Variants in NPRL3 observed in about 807,000 individuals in gnomAD.
NPRL3 encodes the protein NPR3 like, GATOR1 complex subunit.
In NPRL3, 23 loss-of-function variants were observed where a neutral mutation model predicts 57.2. That is an observed-to-expected ratio of 0.40 (90% CI 0.29 to 0.57). NPRL3 has a LOEUF of 0.57. Ranked by LOEUF, NPRL3 falls within the 20% of genes least tolerant of loss-of-function variation. NPRL3 has a pLI of 0.42. For synonymous variants in NPRL3, 333 were observed against 321.1 expected (o/e 1.04, Z -0.39); for missense variants, 691 against 767.1 (o/e 0.90, Z 1.17).
At chr16:113,680 G>A (rs762391890) in intron 5 of NPRL3, among the ~76,000 whole-genome samples, 14 of 152,202 alleles carry the variant, frequency 9.2e-5, no homozygotes, top group Non-Finnish European at 1.6e-4. Context: ...GGGTGGAGGT[G>A]GGACAAGGGA....
intron 5 of NPRL3, among the ~76,000 whole-genome samples, chr16:114,422 C>A (rs1184728439): frequency 6.6e-6 from 1 of 152,206 alleles, no homozygotes; most frequent in African/African-American, 2.4e-5. Flanking sequence ...TTTAAGGCAT[C>A]ACGCATGAGA....
At chr16:115,003 T>G in intron 5 of NPRL3, among the ~76,000 whole-genome samples, 1 of 150,724 alleles carries the variant, frequency 6.6e-6, no homozygotes. Context: ...TAAGATAGGG[T>G]CTCACTCTCT....
Position 86,629 on chromosome 16 carries a change from A to C in NPRL3, c.*76T>G, listed in dbSNP as rs765342694. On this transcript the variant is annotated 3_prime_UTR_variant, in exon 14 of 14. Transcript: ENST00000611875. ...AGGGCCAAGAGGGCTCAGCCTCAGC[A>C]CGGGGGGAGCCCTGGGGTGGGGAGA... 1.1e-5 allele frequency: 16 copies of C among 1,427,552 alleles called. No individual in the cohort carries two copies. The highest frequency in any genetic ancestry group is 1.1e-5 in the Non-Finnish European group (12 of 1,062,942). The allele number at this position is 1,427,552 out of a possible 1,614,324, so 88.4% of individuals were successfully genotyped here.
chr16:120,595 C>A (rs962831363), intron 3 of NPRL3, among the ~76,000 whole-genome samples: 1 of 152,228 alleles, frequency 6.6e-6, no homozygotes, highest in Non-Finnish European at 1.5e-5. Flanking sequence ...CCTAGGCTCA[C>A]AAACAAACCA....
At position 98,242 on chromosome 16, in the gene NPRL3, A is replaced by C; in HGVS notation, c.827T>G (p.Ile276Ser). 6.2e-7 allele frequency: 1 copy of C among 1,613,982 alleles called. No homozygotes were observed. The highest frequency in any genetic ancestry group is 8.5e-7 in the Non-Finnish European group (1 of 1,179,866). ...DEKSLLGELP[I>S]DCSPALVRVI... ...CCGCACTAGGGCAGGGGAGCAGTCA[A>C]TAGGAAGCTCACCCAGCAAGGACTT... Residue 276 changes from isoleucine (I) to serine (S), a missense_variant, in exon 9 of 14, where the codon ATT (isoleucine) becomes AGT (serine). By Grantham distance (142) the Ile-to-Ser change is moderately radical. Coordinates refer to ENST00000611875, the MANE Select transcript of NPRL3 (RefSeq NM_001077350.3).
chr16:90,028 C>T, intron 11 of NPRL3, 126 bp from the exon 12 acceptor site: 3 of 920,022 alleles, frequency 3.3e-6, no homozygotes. Context: ...GCAGAAAGGC[C>T]CTCTTCTCAG....
chr16:113,352 A>C (rs17145202), intron 5 of NPRL3, among the ~76,000 whole-genome samples: 2,096 of 152,316 alleles, frequency 0.014, 49 homozygotes, highest in African/African-American at 0.043. Context: ...AAGGATGAGA[A>C]GCTCTTCCCA....
At chr16:88,625 G>T in intron 13 of NPRL3, 73 bp downstream of exon 13, 2 of 1,327,286 alleles carry the variant, frequency 1.5e-6, no homozygotes, top group Non-Finnish European at 2.1e-6. Flanking sequence ...TGGTTCTGTT[G>T]CGTACGTCCC....
intron 3 of NPRL3, among the ~76,000 whole-genome samples, chr16:128,292 G>C (rs971780315): frequency 3.3e-5 from 5 of 152,186 alleles, no homozygotes; most frequent in African/African-American, 1.2e-4. Flanking sequence ...GCCTATTTCA[G>C]TTAACTTCAA....
At chr16:98,590 C>A (rs999286414) in intron 8 of NPRL3, among the ~76,000 whole-genome samples, 3 of 152,194 alleles carry the variant, frequency 2.0e-5, no homozygotes, top group Non-Finnish European at 2.9e-5. Context: ...CCCTTAACTG[C>A]GGAGAGAAGG....
intron 5 of NPRL3, among the ~76,000 whole-genome samples, chr16:114,450 C>T (rs971163453): frequency 9.2e-5 from 14 of 152,348 alleles, no homozygotes; most frequent in South Asian, 8.3e-4. Flanking sequence ...ATCCCCAAAA[C>T]TTGTACCCAA....
At chr16:120,821 A>C (rs146399063) in intron 3 of NPRL3, among the ~76,000 whole-genome samples, 1 of 152,306 alleles carries the variant, frequency 6.6e-6, no homozygotes, top group East Asian at 1.9e-4. Context: ...TTTCTTCAAA[A>C]ACCCTAAATG....
chr16:116,974 CAA>C (rs34231279), intron 5 of NPRL3, among the ~76,000 whole-genome samples: 55,916 of 149,636 alleles, frequency 0.37, 11,581 homozygotes, highest in Non-Finnish European at 0.49. Context: ...GATTCTGTCT[CAA>C]AAAAAAAAAA....
rs116807734 is a variant in NPRL3, at chr16:107,042, C to T, written c.629+3483G>A. Reference sequence around the variant, plus strand: ...AACATAGCTGCCAGCATCCCTGGGGCAAGCTCCAGGACCCAAGACTGTTAG... The same window carrying T: ...AACATAGCTGCCAGCATCCCTGGGGTAAGCTCCAGGACCCAAGACTGTTAG... On this transcript the variant is annotated intron_variant, in intron 7 of 13. Transcript: ENST00000611875. Among the ~76,000 whole-genome samples the T allele has an allele frequency of 5.4e-3, 820 of 152,300 alleles. 9 individuals carry two copies. Among genetic ancestry groups the T allele is most frequent in the African/African-American group, 0.019 (775 of 41,560 alleles).
intron 2 of NPRL3, among the ~76,000 whole-genome samples, chr16:135,943 A>C (rs568120471): frequency 6.6e-6 from 1 of 152,144 alleles, no homozygotes; most frequent in African/African-American, 2.4e-5. Flanking sequence ...AGGAAATCCA[A>C]ATGGCTCCAA....
intron 4 of NPRL3, 50 bp from the exon 5 acceptor site, chr16:117,425 G>C: frequency 7.7e-7 from 1 of 1,300,822 alleles, no homozygotes; most frequent in Non-Finnish European, 1.1e-6. Flanking sequence ...TCTAAGGAAA[G>C]CTGTTTAGAG....
At chr16:134,441 G>GA (rs1354947251) in intron 2 of NPRL3, among the ~76,000 whole-genome samples, 1 of 152,022 alleles carries the variant, frequency 6.6e-6, no homozygotes, top group Non-Finnish European at 1.5e-5. Context: ...TAATAAGGGA[G>GA]AAAAAAATGA....
In NPRL3 at chr16:127,955, G is replaced by A. The variant is rs112811758; in HGVS notation, c.188+2567C>T. Among the ~76,000 whole-genome samples, 41 of 151,206 alleles carry A rather than the reference G, an allele frequency of 2.7e-4. 1 individual carries two copies. Among genetic ancestry groups the A allele is most frequent in the African/African-American group, 4.9e-4 (20 of 41,184 alleles). On this transcript the variant is annotated intron_variant, in intron 3 of 13. Coordinates refer to ENST00000611875, the MANE Select transcript of NPRL3 (RefSeq NM_001077350.3). ...CAGGCTTGAGCCACTGCGCCCGGCC[G>A]CAAGTGAATTTTTTATTTCAGTTAA...
intron 3 of NPRL3, among the ~76,000 whole-genome samples, chr16:124,177 G>A (rs1025595957): frequency 9.2e-5 from 14 of 152,186 alleles, no homozygotes; most frequent in South Asian, 4.1e-4. Flanking sequence ...CACGCTCAAC[G>A]CTTACCATGG....
Sources: allele counts gnomAD v4.1 joint callset (sites outside exome capture counted in the v4.1 genomes callset), GRCh38; gene constraint gnomAD v4.1.1; transcripts MANE v1.5; gene names NCBI Gene and HGNC (gene_info 2026-07-23, HGNC 2026-07-21).